The following DIS3L2 variants were observed in gnomAD, a reference collection of about 807,000 sequenced individuals.
The protein encoded by DIS3L2 is DIS3-like exonuclease 2.
DIS3L2 carries 34 observed loss-of-function variants against 97.5 expected under a neutral mutation model. The observed-to-expected ratio is 0.35, with a 90% CI of 0.27 to 0.46. DIS3L2 has a LOEUF of 0.46. DIS3L2 is among the 20% of genes least tolerant of loss of function. The pLI is 1.00. For missense variants in DIS3L2, 1,038 were observed against 1,146.0 expected (o/e 0.91, Z 1.36); for synonymous variants, 435 against 445.2 (o/e 0.98, Z 0.29).
At chr2:232,287,595 G>A (rs947723426) in intron 13 of DIS3L2, among the ~76,000 whole-genome samples, 1 of 151,910 alleles carries the variant, frequency 6.6e-6, no homozygotes, top group Non-Finnish European at 1.5e-5. Context: ...GTCTCGCTCT[G>A]TTGCCCAGGC....
intron 1 of DIS3L2, among the ~76,000 whole-genome samples, chr2:231,974,480 A>G (rs996741380): frequency 1.4e-5 from 2 of 144,780 alleles, no homozygotes; most frequent in African/African-American, 5.1e-5. Context: ...CTGTTGTCCC[A>G]TTCAGTGTAT....
At chr2:232,111,338 A>G (rs897569714) in intron 6 of DIS3L2, 9 of 455,608 alleles carry the variant, frequency 2.0e-5, no homozygotes, top group Non-Finnish European at 3.2e-5. Context: ...TAAAGAGCAC[A>G]TCATGGACAT....
At chr2:232,137,075 C>G (rs998172605) in intron 8 of DIS3L2, among the ~76,000 whole-genome samples, 1 of 152,150 alleles carries the variant, frequency 6.6e-6, no homozygotes, top group African/African-American at 2.4e-5. Flanking sequence ...AGTGTTAAAC[C>G]ATGCAAAGTC....
At chr2:232,048,187 A>G (rs1015551930) in intron 5 of DIS3L2, among the ~76,000 whole-genome samples, 3 of 152,334 alleles carry the variant, frequency 2.0e-5, no homozygotes, top group East Asian at 3.9e-4. Context: ...CCCCAAAGGA[A>G]TTAGTCTTAT....
intron 14 of DIS3L2, among the ~76,000 whole-genome samples, chr2:232,302,818 C>A (rs537492660): frequency 6.6e-6 from 1 of 151,898 alleles, no homozygotes; most frequent in Non-Finnish European, 1.5e-5. Flanking sequence ...CCTTGGCCCC[C>A]CAAAGTGCTG....
chr2:232,139,164 A>C (rs1295838200), intron 8 of DIS3L2, among the ~76,000 whole-genome samples: 4 of 152,230 alleles, frequency 2.6e-5, no homozygotes, highest in African/African-American at 9.6e-5. Flanking sequence ...TTTAAAAACC[A>C]GAGCAGGAAA....
At chr2:232,125,279 C>T (rs759620380) in intron 6 of DIS3L2, among the ~76,000 whole-genome samples, 2 of 152,208 alleles carry the variant, frequency 1.3e-5, no homozygotes, top group Non-Finnish European at 2.9e-5. Context: ...TTTTGTCTCC[C>T]TTCCAACATA....
intron 9 of DIS3L2, among the ~76,000 whole-genome samples, chr2:232,171,387 A>T (rs1030207119): frequency 3.9e-5 from 6 of 152,156 alleles, no homozygotes; most frequent in African/African-American, 1.2e-4. Flanking sequence ...GCTCTAACAG[A>T]GCATGACTCT....
chr2:232,312,625 C>G (rs1695168021), intron 14 of DIS3L2, among the ~76,000 whole-genome samples: 1 of 152,156 alleles, frequency 6.6e-6, no homozygotes, highest in Admixed American at 6.6e-5. Context: ...TGTCAGTTGC[C>G]ACATACATGC....
chr2:232,223,866 T>G (rs1023069241), intron 10 of DIS3L2, among the ~76,000 whole-genome samples: 1 of 152,210 alleles, frequency 6.6e-6, no homozygotes, highest in African/African-American at 2.4e-5. Context: ...GATGGGAGGA[T>G]TGCTTGAGTC....
intron 14 of DIS3L2, among the ~76,000 whole-genome samples, chr2:232,316,025 G>A (rs1575013854): frequency 6.6e-6 from 1 of 152,192 alleles, no homozygotes; most frequent in East Asian, 1.9e-4. Context: ...TGAATGGGTA[G>A]CAGAGATGGC....
At chr2:232,225,429 A>G (rs1692618831) in intron 10 of DIS3L2, among the ~76,000 whole-genome samples, 2 of 152,262 alleles carry the variant, frequency 1.3e-5, no homozygotes, top group Non-Finnish European at 2.9e-5. Context: ...CATGATGAAT[A>G]TCAAAAACGC....
chr2:232,330,596 G>C (rs1332972546), intron 15 of DIS3L2, 94 bp from the exon 16 acceptor site: 8 of 1,337,436 alleles, frequency 6.0e-6, no homozygotes, highest in Non-Finnish European at 8.6e-6. Flanking sequence ...CCTCCCCCCA[G>C]AGCCGGGCAT....
intron 13 of DIS3L2, among the ~76,000 whole-genome samples, chr2:232,265,329 C>T (rs919748239): frequency 2.0e-4 from 30 of 152,212 alleles, no homozygotes; most frequent in African/African-American, 6.8e-4. Flanking sequence ...TGTATCCATA[C>T]TCCCACCCTG....
Position 232,218,993 on chromosome 2 carries a change from C to G in DIS3L2, c.1204+8588C>G, listed in dbSNP as rs547936346. Among the ~76,000 whole-genome samples, 28 of 152,332 alleles carry G rather than the reference C, an allele frequency of 1.8e-4. 2 individuals are homozygous for G. The South Asian group carries it at 5.0e-3, about 27-fold the overall frequency. On this transcript the variant is annotated intron_variant, in intron 10 of 20. Coordinates refer to ENST00000325385, the MANE Select transcript of DIS3L2 (RefSeq NM_152383.5). The stretch of plus-strand genomic sequence containing the variant: ...ACACACGCACAGTGGGGGCTGGTCA[C>G]TGCAGGCTCTGCTGATCTCCTGTGC...
intron 1 of DIS3L2, among the ~76,000 whole-genome samples, chr2:231,967,752 T>A (rs1346193512): frequency 6.6e-6 from 1 of 152,224 alleles, no homozygotes; most frequent in Admixed American, 6.5e-5. Context: ...TCTTTTATAA[T>A]AGTTTGCAAG....
intron 13 of DIS3L2, among the ~76,000 whole-genome samples, chr2:232,279,372 C>A (rs1694223850): frequency 6.6e-6 from 1 of 152,198 alleles, no homozygotes; most frequent in African/African-American, 2.4e-5. Flanking sequence ...ATGACAAATT[C>A]TGTTGAGCAT....
intron 1 of DIS3L2, among the ~76,000 whole-genome samples, chr2:232,002,579 T>C (rs2106205618): frequency 6.6e-6 from 1 of 152,362 alleles, no homozygotes. Flanking sequence ...GTTAGCATAA[T>C]TTCTTTCTAT....
chr2:232,116,807 TAAAAC>T (rs1163705517), intron 6 of DIS3L2, among the ~76,000 whole-genome samples: 16 of 139,442 alleles, frequency 1.1e-4, no homozygotes, highest in Non-Finnish European at 2.4e-4. Context: ...AGATAATGCT[TAAAAC>T]AAACAAAAAA....
Sources: gnomAD v4.1 joint callset for allele counts (sites outside exome capture counted in the v4.1 genomes callset) on GRCh38, gnomAD v4.1.1 for gene constraint, MANE v1.5 for transcripts, NCBI Gene and HGNC (gene_info 2026-07-23, HGNC 2026-07-21) for gene names.